Variants in CPQ observed in about 807,000 individuals in gnomAD.
CPQ encodes Ser-Met dipeptidase.
CPQ carries 37 observed loss-of-function variants against 45.7 expected under a neutral mutation model. The ratio of observed to expected loss-of-function variants is 0.81; its 90% CI spans 0.62 to 1.07. The LOEUF (loss-of-function observed/expected upper bound fraction) is 1.07. Ranked by LOEUF, CPQ falls within the 50% of genes least tolerant of loss-of-function variation. The pLI is 0.00. For missense variants in CPQ, 537 were observed against 572.9 expected (o/e 0.94, Z 0.64); for synonymous variants, 186 against 205.8 (o/e 0.90, Z 0.82).
intron 1 of CPQ, among the ~76,000 whole-genome samples, chr8:96,701,480 A>G (rs1437254107): frequency 6.6e-6 from 1 of 152,172 alleles, no homozygotes; most frequent in African/African-American, 2.4e-5. Flanking sequence ...TAAATCCCAA[A>G]CTATCTTTTT....
chr8:96,844,863 C>G lies in CPQ; in HGVS notation c.641+9683C>G, dbSNP rs1156645186. Reference sequence around the variant, plus strand: ...GTCTCCCTCAGTCATTGACTAAAAACTATGCACTTGTCTTTTCCATTCTCT... The same window carrying G: ...GTCTCCCTCAGTCATTGACTAAAAAGTATGCACTTGTCTTTTCCATTCTCT... On this transcript the variant is annotated intron_variant, in intron 3 of 7. Coordinates refer to ENST00000220763, the MANE Select transcript of CPQ (RefSeq NM_016134.4). Among the ~76,000 whole-genome samples, 5 of 152,306 alleles carry G rather than the reference C, an allele frequency of 3.3e-5. No homozygotes were observed. The South Asian group carries it at 1.0e-3, about 32-fold the overall frequency.
intron 1 of CPQ, chr8:96,761,241 C>T (rs560585234): frequency 7.8e-4 from 119 of 152,302 alleles, no homozygotes; most frequent in African/African-American, 2.8e-3. Context: ...AAGAAAGCCG[C>T]ACATCAACTC....
intron 1 of CPQ, among the ~76,000 whole-genome samples, chr8:96,689,091 A>C (rs1809271548): frequency 6.6e-6 from 1 of 152,210 alleles, no homozygotes; most frequent in African/African-American, 2.4e-5. Flanking sequence ...ATGTCTGCTC[A>C]TGACTCATTG....
rs527597782 is a variant in CPQ, at chr8:96,961,416, G to T, written c.850-4519G>T. 3.9e-4 allele frequency among the ~76,000 whole-genome samples: 59 copies of T among 151,896 alleles called. 1 individual carries two copies. The highest frequency in any genetic ancestry group is 1.4e-3 in the Admixed American group (21 of 15,250). ...GGTTGCTTGGCTTTTTTATTGATTT[G>T]TAAGAATTCTTTACCCATTTTGAAT... On this transcript the variant is annotated intron_variant, in intron 4 of 7. Transcript: ENST00000220763.
intron 4 of CPQ, among the ~76,000 whole-genome samples, chr8:96,911,219 A>G (rs1309971051): frequency 1.3e-5 from 2 of 152,118 alleles, no homozygotes; most frequent in African/African-American, 4.8e-5. Context: ...ACAAAACAAA[A>G]CATATAAGAC....
chr8:96,849,571 A>G (rs1436335848), intron 3 of CPQ, among the ~76,000 whole-genome samples: 2 of 152,204 alleles, frequency 1.3e-5, no homozygotes, highest in African/African-American at 2.4e-5. Context: ...TGGATCCTCA[A>G]TGCCTATAGT....
chr8:96,780,746 A>G (rs1586397832), intron 1 of CPQ, among the ~76,000 whole-genome samples: 1 of 115,940 alleles, frequency 8.6e-6, no homozygotes, highest in Non-Finnish European at 1.7e-5. Flanking sequence ...ATCTTGCTAT[A>G]TTGCCCAGGC....
At chr8:96,969,739 G>A (rs1253211503) in intron 5 of CPQ, among the ~76,000 whole-genome samples, 1 of 152,054 alleles carries the variant, frequency 6.6e-6, no homozygotes, top group Non-Finnish European at 1.5e-5. Context: ...CTTTTTACCT[G>A]ATATATTTGT....
At chr8:96,710,407 T>C (rs1809591075) in intron 1 of CPQ, among the ~76,000 whole-genome samples, 1 of 152,178 alleles carries the variant, frequency 6.6e-6, no homozygotes, top group African/African-American at 2.4e-5. Flanking sequence ...TGGTTTGTTC[T>C]TGTTTCTCTA....
chr8:96,879,706 G>C (rs1812193724), intron 3 of CPQ, 92 bp from the exon 4 acceptor site: 3 of 827,190 alleles, frequency 3.6e-6, no homozygotes, highest in Non-Finnish European at 6.0e-6. Context: ...ACAAAGATAA[G>C]TGGAAGTTAA....
intron 1 of CPQ, among the ~76,000 whole-genome samples, chr8:96,708,649 T>G (rs568325838): frequency 2.0e-4 from 30 of 152,276 alleles, no homozygotes; most frequent in Admixed American, 1.2e-3. Context: ...ATTAGTTTCC[T>G]GTGAAGGATA....
chr8:96,695,954 G>T (rs1399123639), intron 1 of CPQ, among the ~76,000 whole-genome samples: 6 of 149,472 alleles, frequency 4.0e-5, no homozygotes, highest in African/African-American at 1.3e-4. Flanking sequence ...TATACCCAAA[G>T]GACTATAAAT....
chr8:97,013,273 C>T (rs1439982618), intron 5 of CPQ, among the ~76,000 whole-genome samples: 2 of 151,854 alleles, frequency 1.3e-5, no homozygotes, highest in Non-Finnish European at 2.9e-5. Flanking sequence ...GAGCAAGACT[C>T]CATCTCAAAA....
chr8:96,860,441 A>G (rs1248623898), intron 3 of CPQ, among the ~76,000 whole-genome samples: 1 of 152,192 alleles, frequency 6.6e-6, no homozygotes, highest in Non-Finnish European at 1.5e-5. Context: ...TATAAAAATC[A>G]GTCCTTTGGA....
chr8:96,806,943 T>C (rs1395058621), intron 2 of CPQ, among the ~76,000 whole-genome samples: 1 of 152,200 alleles, frequency 6.6e-6, no homozygotes, highest in Non-Finnish European at 1.5e-5. Context: ...ATCAAATATC[T>C]CATGTACCCT....
intron 4 of CPQ, among the ~76,000 whole-genome samples, chr8:96,940,300 A>G (rs1188927081): frequency 6.6e-6 from 1 of 152,194 alleles, no homozygotes; most frequent in African/African-American, 2.4e-5. Flanking sequence ...CTGAAGGTTA[A>G]CATTGCTACC....
intron 4 of CPQ, among the ~76,000 whole-genome samples, chr8:96,939,629 T>C (rs1468921466): frequency 6.6e-6 from 1 of 152,232 alleles, no homozygotes; most frequent in Non-Finnish European, 1.5e-5. Context: ...GCATTCATAT[T>C]GCAGTGTGCA....
At chr8:96,693,242 G>A (rs1047864684) in intron 1 of CPQ, among the ~76,000 whole-genome samples, 3 of 151,956 alleles carry the variant, frequency 2.0e-5, no homozygotes, top group Middle Eastern at 3.2e-3. Context: ...CCTTAGAAAG[G>A]AGGAAGGGTA....
At chr8:96,976,247 C>CAAAAAAAAAAAAAA (rs55864086) in intron 5 of CPQ, among the ~76,000 whole-genome samples, 3 of 60,842 alleles carry the variant, frequency 4.9e-5, no homozygotes, top group East Asian at 6.3e-4. Flanking sequence ...CAATAGCTGA[C>CAAAAAAAAAAAAAA]AAAAAAAAAA....
Sources: gnomAD v4.1 joint callset for allele counts (sites outside exome capture counted in the v4.1 genomes callset) on GRCh38, gnomAD v4.1.1 for gene constraint, MANE v1.5 for transcripts, NCBI Gene and HGNC (gene_info 2026-07-23, HGNC 2026-07-21) for gene names.